Variants in MTUS2 observed in about 807,000 individuals in gnomAD.
The protein encoded by MTUS2 is microtubule-associated tumor suppressor candidate 2.
A neutral mutation model predicts 114.1 loss-of-function variants in MTUS2; 40 were observed. That is an observed-to-expected ratio of 0.35 (90% CI 0.27 to 0.46). The LOEUF (loss-of-function observed/expected upper bound fraction) is 0.46, where lower values mean the gene tolerates loss of function less well. Among genes scored for constraint, MTUS2 ranks in the 20% least tolerant of loss-of-function variants. MTUS2 has a pLI of 1.00. For missense variants in MTUS2, 1,679 were observed against 1,705.4 expected, an observed-to-expected ratio of 0.98 and a Z score of 0.27; for synonymous variants, 688 against 672.0, an observed-to-expected ratio of 1.02 and a Z score of -0.37.
chr13:28,925,181 T>TTGTGTGTCAGA, intron 2 of MTUS2, among the ~76,000 whole-genome samples: 1 of 152,284 alleles, frequency 6.6e-6, no homozygotes, highest in South Asian at 2.1e-4. Flanking sequence ...AATGTTGCTC[T>TTGTGTGTCAGA]TAATTATCTG....
chr13:28,916,833 C>G lies in MTUS2; in HGVS notation c.-243+76983C>G, dbSNP rs559642682. On this transcript the variant is annotated intron_variant, in intron 2 of 15. Coordinates refer to ENST00000612955, the MANE Select transcript of MTUS2 (RefSeq NM_001033602.4). Reference sequence around the variant, plus strand: ...AGTGACAATGGTGAAAGTGGGTATCCTTGTTGCATTCCAGATCTTAGAGAA... The same window carrying G: ...AGTGACAATGGTGAAAGTGGGTATCGTTGTTGCATTCCAGATCTTAGAGAA... Among the ~76,000 whole-genome samples, 5 of 151,758 alleles carry G rather than the reference C, an allele frequency of 3.3e-5. No individual in the cohort carries two copies. The East Asian group carries it at 9.7e-4, about 29-fold the overall frequency.
chr13:28,993,464 A>G (rs1239880052), intron 2 of MTUS2, among the ~76,000 whole-genome samples: 1 of 152,186 alleles, frequency 6.6e-6, no homozygotes, highest in Non-Finnish European at 1.5e-5. Flanking sequence ...ATTGCTGTGC[A>G]GAAGCTCTTT....
intron 8 of MTUS2, among the ~76,000 whole-genome samples, chr13:29,414,904 T>C (rs1875552098): frequency 6.6e-6 from 1 of 151,900 alleles, no homozygotes; most frequent in Non-Finnish European, 1.5e-5. Context: ...TTTTTTATAT[T>C]TTACTTATGA....
chr13:29,462,904 C>T (rs773592166), intron 9 of MTUS2, among the ~76,000 whole-genome samples: 1 of 152,072 alleles, frequency 6.6e-6, no homozygotes, highest in Non-Finnish European at 1.5e-5. Flanking sequence ...ATGATGTCCT[C>T]GTTCTAGTCC....
At chr13:29,486,367 G>A (rs1881617032) in intron 10 of MTUS2, among the ~76,000 whole-genome samples, 1 of 152,206 alleles carries the variant, frequency 6.6e-6, no homozygotes, top group Non-Finnish European at 1.5e-5. Context: ...ATAGTATGCA[G>A]AATGGGAAAC....
intron 2 of MTUS2, among the ~76,000 whole-genome samples, chr13:28,914,140 T>A (rs1364735676): frequency 6.6e-6 from 1 of 152,102 alleles, no homozygotes; most frequent in Non-Finnish European, 1.5e-5. Context: ...GGTTATTTCT[T>A]GTCTTCTCCT....
At chr13:29,123,894 A>G (rs1207101226) in intron 5 of MTUS2, among the ~76,000 whole-genome samples, 3 of 152,170 alleles carry the variant, frequency 2.0e-5, no homozygotes, top group Admixed American at 1.3e-4. Flanking sequence ...CCCCCTGCAG[A>G]TGCCCACTGC....
intron 7 of MTUS2, among the ~76,000 whole-genome samples, chr13:29,327,894 TTAATA>T (rs1900594157): frequency 6.6e-6 from 1 of 152,044 alleles, no homozygotes; most frequent in Non-Finnish European, 1.5e-5. Context: ...TTGCCAACCC[TTAATA>T]TAATCAGTCT....
intron 2 of MTUS2, among the ~76,000 whole-genome samples, chr13:28,997,957 C>T (rs564959691): frequency 2.0e-5 from 3 of 152,204 alleles, no homozygotes; most frequent in South Asian, 2.1e-4. Flanking sequence ...TTATTTTGCT[C>T]GTTAGTTGAT....
At chr13:29,454,678 A>C (rs1234544846) in intron 9 of MTUS2, among the ~76,000 whole-genome samples, 1 of 152,180 alleles carries the variant, frequency 6.6e-6, no homozygotes, top group Non-Finnish European at 1.5e-5. Context: ...TAGAAAGCCA[A>C]AATTGTAATC....
In MTUS2 at chr13:29,017,067, CAGG is replaced by C. The variant is rs548394375; in HGVS notation, c.-242-7387_-242-7385del. On this transcript the variant is annotated intron_variant, in intron 2 of 15. Coordinates refer to ENST00000612955, the MANE Select transcript of MTUS2 (RefSeq NM_001033602.4). Reference sequence around the variant, plus strand: ...GCAGAAAACATGGAGGTATTATTACCAGGAGACTTTCAGATGAATACATTGACT... The same window carrying C: ...GCAGAAAACATGGAGGTATTATTACCAGACTTTCAGATGAATACATTGACT... Among the ~76,000 whole-genome samples, 30 of 152,202 alleles carry C rather than the reference CAGG, an allele frequency of 2.0e-4. No homozygotes were observed. The East Asian group carries it at 5.6e-3, about 28-fold the overall frequency.
At chr13:29,007,489 C>T (rs1294762468) in intron 2 of MTUS2, among the ~76,000 whole-genome samples, 1 of 152,190 alleles carries the variant, frequency 6.6e-6, no homozygotes, top group Non-Finnish European at 1.5e-5. Flanking sequence ...CTAAACATAT[C>T]CCTTTCTTCA....
intron 2 of MTUS2, among the ~76,000 whole-genome samples, chr13:28,972,649 A>G (rs984273029): frequency 6.6e-6 from 1 of 152,188 alleles, no homozygotes. Context: ...CCGAGTTCTG[A>G]GAGCTGCAGG....
chr13:28,993,298 T>G (rs571465517), intron 2 of MTUS2, among the ~76,000 whole-genome samples: 2 of 152,330 alleles, frequency 1.3e-5, no homozygotes, highest in East Asian at 3.9e-4. Context: ...TTTATTTTAT[T>G]TTTTGAGGAA....
intron 5 of MTUS2, among the ~76,000 whole-genome samples, chr13:29,178,928 C>G (rs1021505595): frequency 6.6e-6 from 1 of 152,116 alleles, no homozygotes; most frequent in Admixed American, 6.6e-5. Flanking sequence ...AAGTAGGGCT[C>G]AGCCACAGAA....
chr13:29,243,177 G>A (rs367915065), intron 5 of MTUS2, among the ~76,000 whole-genome samples: 3 of 152,164 alleles, frequency 2.0e-5, no homozygotes, highest in East Asian at 3.8e-4. Context: ...CATATAAGAG[G>A]AGTAAAGTCA....
chr13:29,018,339 TG>T (rs368488852), intron 2 of MTUS2, among the ~76,000 whole-genome samples: 23 of 152,190 alleles, frequency 1.5e-4, no homozygotes, highest in African/African-American at 5.6e-4. Flanking sequence ...GTGGATCCAG[TG>T]AGTTTCCCTT....
chr13:29,383,687 C>T (rs1186616232), intron 8 of MTUS2, among the ~76,000 whole-genome samples: 1 of 152,120 alleles, frequency 6.6e-6, no homozygotes, highest in Non-Finnish European at 1.5e-5. Context: ...TAGGTCCCAT[C>T]AGAAGGTGCA....
At chr13:29,302,695 T>C (rs1899258850) in intron 6 of MTUS2, among the ~76,000 whole-genome samples, 1 of 152,236 alleles carries the variant, frequency 6.6e-6, no homozygotes, top group Non-Finnish European at 1.5e-5. Context: ...CCACCATCTC[T>C]GTGGTTCAGT....
Sources: gnomAD v4.1 joint callset for allele counts (sites outside exome capture counted in the v4.1 genomes callset) on GRCh38, gnomAD v4.1.1 for gene constraint, MANE v1.5 for transcripts, NCBI Gene and HGNC (gene_info 2026-07-23, HGNC 2026-07-21) for gene names.